The following ANKFN1 variants were observed in gnomAD, a reference collection of about 807,000 sequenced individuals.
ANKFN1 encodes the protein ankyrin repeat and fibronectin type-III domain-containing protein 1.
A neutral mutation model predicts 108.7 loss-of-function variants in ANKFN1; 74 were observed. The ratio of observed to expected loss-of-function variants is 0.68; its 90% CI spans 0.56 to 0.83. The LOEUF (loss-of-function observed/expected upper bound fraction) is 0.83, where lower values mean the gene tolerates loss of function less well. Among genes scored for constraint, ANKFN1 ranks in the 40% least tolerant of loss-of-function variants. The pLI is 0.00. For synonymous variants in ANKFN1, 547 were observed against 516.2 expected (o/e 1.06, Z -0.81); for missense variants, 1,505 against 1,382.3 (o/e 1.09, Z -1.41).
chr17:56,254,098 A>T (rs2043299307), intron 3 of ANKFN1: 1 of 152,180 alleles, frequency 6.6e-6, no homozygotes, highest in Admixed American at 6.5e-5. Context: ...CCTTTTATGA[A>T]AATTAATGTT....
chr17:56,352,668 A>C (rs182590514), intron 5 of ANKFN1, among the ~76,000 whole-genome samples: 1 of 152,262 alleles, frequency 6.6e-6, no homozygotes, highest in African/African-American at 2.4e-5. Flanking sequence ...GTATTCTATA[A>C]ATATTCAACT....
At position 56,188,543 on chromosome 17, in the gene ANKFN1, A is replaced by G. The variant is rs915879087; in HGVS notation, c.-70-24055A>G. Among the ~76,000 whole-genome samples, 57 of 74,200 alleles carry G rather than the reference A, an allele frequency of 7.7e-4. 1 individual carries two copies. The East Asian group carries it at 0.012, about 16-fold the overall frequency. 48.7% of individuals were successfully genotyped at this position (74,200 alleles called of 152,430 possible). A position where few individuals can be genotyped will look rare whatever the true frequency, so the allele number is the denominator to read the frequency against. ...ATATATAAGAAATAAAATAAGATGT[A>G]TATGTGTGTGTGTGTGTGTATGTGT... On this transcript the variant is annotated intron_variant, in intron 1 of 20. Transcript: ENST00000682825.
intron 4 of ANKFN1, among the ~76,000 whole-genome samples, chr17:56,102,630 CTT>C (rs10569994): frequency 0.61 from 91,223 of 149,308 alleles, 28,435 homozygotes; most frequent in African/African-American, 0.77. Context: ...CCTTCCTAGC[CTT>C]TTTTTTTTTT....
chr17:56,484,639 G>T (rs537037406), intron 18 of ANKFN1, among the ~76,000 whole-genome samples: 23 of 152,302 alleles, frequency 1.5e-4, no homozygotes, highest in African/African-American at 5.5e-4. Flanking sequence ...TAGAAACGCA[G>T]GAGAGAAATT....
chr17:56,374,040 G>T (rs2144777241), intron 7 of ANKFN1, among the ~76,000 whole-genome samples: 1 of 152,252 alleles, frequency 6.6e-6, no homozygotes. Context: ...TGAGAGCAAG[G>T]TGAGTTAGAA....
chr17:56,431,023 G>C (rs545494345), intron 8 of ANKFN1, among the ~76,000 whole-genome samples: 1 of 152,178 alleles, frequency 6.6e-6, no homozygotes, highest in Admixed American at 6.5e-5. Flanking sequence ...AACAGTATGC[G>C]TGAGTTTCCT....
chr17:56,311,995 C>T (rs1233145354), intron 3 of ANKFN1, among the ~76,000 whole-genome samples: 1 of 152,198 alleles, frequency 6.6e-6, no homozygotes, highest in Non-Finnish European at 1.5e-5. Context: ...GTCTCCTCTT[C>T]AGGCCTATGG....
Position 56,144,183 on chromosome 17 carries a change from A to ACTACTC in ANKFN1, c.289-83734_289-83733insCTACTC, listed in dbSNP as rs60975832. On this transcript the variant is annotated intron_variant, in intron 4 of 12. Transcript: ENST00000635860. ...AAAAAAAAAAAAAAAAAAAAAAAAA[A>ACTACTC]AACAGCCCAAACCAAATGAATGCAG... Among the ~76,000 whole-genome samples the ACTACTC allele has an allele frequency of 5.3e-4, 62 of 116,262 alleles. 6 individuals are homozygous for ACTACTC. The highest frequency in any genetic ancestry group is 4.2e-3 in the Middle Eastern group (1 of 236). The allele number at this position is 116,262 out of a possible 152,430, so 76.3% of individuals were successfully genotyped here.
intron 15 of ANKFN1, among the ~76,000 whole-genome samples, chr17:56,468,985 G>A (rs988189978): frequency 1.3e-5 from 2 of 152,112 alleles, no homozygotes; most frequent in Non-Finnish European, 2.9e-5. Context: ...ATAAACTAGG[G>A]TCTGGGCTAC....
intron 3 of ANKFN1, among the ~76,000 whole-genome samples, chr17:56,275,364 C>T (rs1363623981): frequency 6.6e-6 from 1 of 150,614 alleles, no homozygotes; most frequent in Non-Finnish European, 1.5e-5. Context: ...AGCATCTGTA[C>T]TTTAAAAATT....
At chr17:56,313,940 A>G (rs924916776) in intron 3 of ANKFN1, among the ~76,000 whole-genome samples, 5 of 152,180 alleles carry the variant, frequency 3.3e-5, no homozygotes, top group African/African-American at 1.2e-4. Context: ...CCACCAACCC[A>G]GTACAACCTA....
intron 8 of ANKFN1, among the ~76,000 whole-genome samples, chr17:56,384,483 T>C (rs902130372): frequency 6.6e-6 from 1 of 152,120 alleles, no homozygotes; most frequent in African/African-American, 2.4e-5. Context: ...CCAGGGCAAT[T>C]AGGCAGGAGA....
chr17:56,228,257 C>T (rs1014086812), intron 3 of ANKFN1: 5 of 285,106 alleles, frequency 1.8e-5, no homozygotes, highest in Admixed American at 5.2e-5. Flanking sequence ...TGACACTAAA[C>T]ATTTAAATAT....
intron 3 of ANKFN1, among the ~76,000 whole-genome samples, chr17:56,317,980 C>A (rs1021406544): frequency 5.3e-5 from 8 of 152,108 alleles, no homozygotes; most frequent in Non-Finnish European, 1.0e-4. Flanking sequence ...ATATGGGAAA[C>A]AATGATAACC....
At chr17:56,085,180 C>CATATATATATAT (rs10572105) in intron 4 of ANKFN1, among the ~76,000 whole-genome samples, 98 of 137,740 alleles carry the variant, frequency 7.1e-4, no homozygotes, top group African/African-American at 2.6e-3. Flanking sequence ...CCCTCCAAAG[C>CATATATATATAT]ATATATATAT....
At chr17:56,202,941 C>T (rs542691188) in intron 1 of ANKFN1, among the ~76,000 whole-genome samples, 1 of 152,300 alleles carries the variant, frequency 6.6e-6, no homozygotes, top group East Asian at 1.9e-4. Context: ...GAAATGTTAG[C>T]TAAAATAACC....
At chr17:56,361,195 G>A (rs549808412) in intron 6 of ANKFN1, among the ~76,000 whole-genome samples, 1 of 151,804 alleles carries the variant, frequency 6.6e-6, no homozygotes, top group East Asian at 1.9e-4. Flanking sequence ...AAATATACAT[G>A]CAACATAGAA....
chr17:56,153,871 C>G (rs1908835310), intron 1 of ANKFN1, among the ~76,000 whole-genome samples: 1 of 152,196 alleles, frequency 6.6e-6, no homozygotes, highest in Non-Finnish European at 1.5e-5. Context: ...CCAGGGATTA[C>G]TTGTCTCCAT....
In ANKFN1 at chr17:56,412,395, G is replaced by A. The variant is rs2048118018; in HGVS notation, c.911-27932G>A. 2.0e-5 allele frequency among the ~76,000 whole-genome samples: 3 copies of A among 152,136 alleles called. No individual in the cohort carries two copies. The South Asian group carries it at 6.2e-4, about 32-fold the overall frequency. On this transcript the variant is annotated intron_variant, in intron 8 of 20. Transcript: ENST00000682825. ...GAGTGTCAACTTGATTGGATTGAAG[G>A]ATGAAAGTATTGTTCCTGGGCGTGT...
Sources: gnomAD v4.1 joint callset for allele counts (sites outside exome capture counted in the v4.1 genomes callset) on GRCh38, gnomAD v4.1.1 for gene constraint, MANE v1.5 for transcripts, NCBI Gene and HGNC (gene_info 2026-07-23, HGNC 2026-07-21) for gene names.